Variants in SGCZ observed in about 807,000 individuals in gnomAD.
SGCZ encodes the protein zeta-sarcoglycan.
Under a neutral mutation model 41.3 loss-of-function variants are expected in SGCZ, and 40 were observed. The observed-to-expected ratio is 0.97, with a 90% CI of 0.75 to 1.26. SGCZ has a LOEUF of 1.26. Ranked by LOEUF, SGCZ falls within the 50% of genes most tolerant of loss-of-function variation. SGCZ has a pLI of 0.00. For missense variants in SGCZ, 552 were observed against 369.8 expected, an observed-to-expected ratio of 1.49 and a Z score of -4.04; for synonymous variants, 206 against 137.5, an observed-to-expected ratio of 1.50 and a Z score of -3.49.
At chr8:14,426,322 G>A (rs1799781470) in intron 2 of SGCZ, among the ~76,000 whole-genome samples, 2 of 152,116 alleles carry the variant, frequency 1.3e-5, no homozygotes, top group African/African-American at 4.8e-5. Context: ...AGTGAAGGAA[G>A]CATGTAGGGA....
chr8:14,520,168 G>T (rs1027380222), intron 2 of SGCZ, among the ~76,000 whole-genome samples: 1 of 151,886 alleles, frequency 6.6e-6, no homozygotes, highest in Admixed American at 6.6e-5. Context: ...GTTGCAATTT[G>T]GTTCACACTA....
chr8:14,164,959 A>G, intron 4 of SGCZ: 1 of 378,342 alleles, frequency 2.6e-6, no homozygotes, highest in Non-Finnish European at 4.9e-6. Flanking sequence ...GCCAGTTAAG[A>G]GCCCTTCACA....
chr8:14,599,656 C>A (rs1178375534), intron 1 of SGCZ, among the ~76,000 whole-genome samples: 2 of 152,168 alleles, frequency 1.3e-5, no homozygotes, highest in Non-Finnish European at 2.9e-5. Flanking sequence ...GACGCATATT[C>A]ATCTATACCC....
Position 15,237,659 on chromosome 8 carries a change from G to A in SGCZ, c.-36C>T, listed in dbSNP as rs1252185347. 5.1e-6 allele frequency: 8 copies of A among 1,567,632 alleles called. No homozygotes were observed. Among genetic ancestry groups the A allele is most frequent in the Non-Finnish European group, 6.9e-6 (8 of 1,154,322 alleles). On this transcript the variant is annotated 5_prime_UTR_variant, in exon 1 of 8. Transcript: ENST00000382080. ...TAAACGAAGTGGAGAGGAACCGGGCGAGTGGCACCCAAAAACAATCTAGTC... is the reference window on the plus strand; with the variant it reads ...TAAACGAAGTGGAGAGGAACCGGGCAAGTGGCACCCAAAAACAATCTAGTC...
At chr8:14,652,437 C>G (rs1179686326) in intron 1 of SGCZ, among the ~76,000 whole-genome samples, 1 of 151,250 alleles carries the variant, frequency 6.6e-6, no homozygotes, top group Non-Finnish European at 1.5e-5. Flanking sequence ...ACAATGATAT[C>G]TATAAGCAAT....
At chr8:14,665,383 G>A (rs188224764) in intron 1 of SGCZ, among the ~76,000 whole-genome samples, 12 of 152,218 alleles carry the variant, frequency 7.9e-5, no homozygotes, top group Admixed American at 2.6e-4. Context: ...TGGTGTATAC[G>A]TGCCACATCG....
chr8:14,134,994 C>T (rs949985507), intron 5 of SGCZ, among the ~76,000 whole-genome samples: 3 of 151,954 alleles, frequency 2.0e-5, no homozygotes, highest in Admixed American at 1.3e-4. Flanking sequence ...TCTATAGATA[C>T]CTTCACACTA....
intron 1 of SGCZ, among the ~76,000 whole-genome samples, chr8:15,076,753 CAT>C (rs1805547607): frequency 7.0e-6 from 1 of 143,742 alleles, no homozygotes; most frequent in African/African-American, 2.7e-5. Context: ...AAGTCTCTCT[CAT>C]TTTTTTTTTT....
At chr8:14,682,110 T>A (rs982996793) in intron 1 of SGCZ, among the ~76,000 whole-genome samples, 2 of 152,066 alleles carry the variant, frequency 1.3e-5, no homozygotes, top group Admixed American at 6.6e-5. Flanking sequence ...TAATCTATTA[T>A]GTAGTGATGC....
At chr8:14,786,443 A>G (rs935858786) in intron 1 of SGCZ, among the ~76,000 whole-genome samples, 3 of 152,166 alleles carry the variant, frequency 2.0e-5, no homozygotes, top group Non-Finnish European at 2.9e-5. Flanking sequence ...AAACTTGGAA[A>G]AATGACCATA....
intron 7 of SGCZ, among the ~76,000 whole-genome samples, chr8:14,093,684 C>G (rs1048651254): frequency 6.6e-6 from 1 of 151,982 alleles, no homozygotes; most frequent in Non-Finnish European, 1.5e-5. Context: ...CTACTGCACA[C>G]TACAATTAAG....
At chr8:15,208,371 G>A (rs1189683673) in intron 1 of SGCZ, among the ~76,000 whole-genome samples, 1 of 152,144 alleles carries the variant, frequency 6.6e-6, no homozygotes, top group African/African-American at 2.4e-5. Context: ...ATAATATGCT[G>A]GTAATCTGTT....
In SGCZ at chr8:15,130,703, C is replaced by T. The variant is rs1276846139; in HGVS notation, c.39+106882G>A. Reference sequence around the variant, plus strand: ...CAATTCTGATGAAAGTATTTTCCACCATCATCAAATATTGTAAATAATTGT... The same window carrying T: ...CAATTCTGATGAAAGTATTTTCCACTATCATCAAATATTGTAAATAATTGT... On this transcript the variant is annotated intron_variant, in intron 1 of 7. Transcript: ENST00000382080. Among the ~76,000 whole-genome samples, 4 of 152,074 alleles carry T rather than the reference C, an allele frequency of 2.6e-5. No homozygotes were observed. The East Asian group carries it at 7.7e-4, about 29-fold the overall frequency.
intron 2 of SGCZ, among the ~76,000 whole-genome samples, chr8:14,533,169 G>A (rs1340634948): frequency 3.5e-5 from 5 of 144,188 alleles, no homozygotes; most frequent in Admixed American, 1.4e-4. Flanking sequence ...AACAGGCCCC[G>A]GTGTGTTGTC....
intron 2 of SGCZ, among the ~76,000 whole-genome samples, chr8:14,466,463 T>G (rs534646522): frequency 6.6e-6 from 1 of 152,110 alleles, no homozygotes; most frequent in African/African-American, 2.4e-5. Context: ...TCTTTTAGTT[T>G]ATTATACTTG....
chr8:14,512,237 T>C (rs2117078019), intron 2 of SGCZ, among the ~76,000 whole-genome samples: 1 of 152,242 alleles, frequency 6.6e-6, no homozygotes, highest in African/African-American at 2.4e-5. Flanking sequence ...GAAGTGCCTA[T>C]TAACATAAGC....
At chr8:14,261,486 A>G (rs561528705) in intron 3 of SGCZ, among the ~76,000 whole-genome samples, 3 of 152,180 alleles carry the variant, frequency 2.0e-5, no homozygotes, top group Non-Finnish European at 4.4e-5. Flanking sequence ...CTGAAGCTCT[A>G]CAATGAGTTC....
intron 1 of SGCZ, among the ~76,000 whole-genome samples, chr8:14,978,425 C>T (rs750490498): frequency 4.7e-5 from 6 of 126,708 alleles, no homozygotes; most frequent in Non-Finnish European, 6.2e-5. Flanking sequence ...GAGCCAAGAT[C>T]GCGGCATTGC....
chr8:15,054,003 C>T (rs937091299), intron 1 of SGCZ, among the ~76,000 whole-genome samples: 2 of 152,088 alleles, frequency 1.3e-5, no homozygotes, highest in African/African-American at 4.8e-5. Flanking sequence ...ACTAACATGA[C>T]ATATTTGACC....
Sources: allele counts gnomAD v4.1 joint callset (sites outside exome capture counted in the v4.1 genomes callset), GRCh38; gene constraint gnomAD v4.1.1; transcripts MANE v1.5; gene names NCBI Gene and HGNC (gene_info 2026-07-23, HGNC 2026-07-21).